The following ENTHD1 variants were observed in gnomAD, a reference collection of about 807,000 sequenced individuals.
ENTHD1 encodes the protein ENTH domain containing 1.
Under a neutral mutation model 39.1 loss-of-function variants are expected in ENTHD1, and 23 were observed. That is an observed-to-expected ratio of 0.59 (90% CI 0.42 to 0.83). The LOEUF (loss-of-function observed/expected upper bound fraction) is 0.83. Among genes scored for constraint, ENTHD1 ranks in the 40% least tolerant of loss-of-function variants. The probability of loss-of-function intolerance (pLI) is 0.00; values close to 1 mark genes in which losing one functional copy is unlikely to be tolerated. For missense variants in ENTHD1, 624 were observed against 705.4 expected (o/e 0.88, Z 1.31); for synonymous variants, 230 against 258.2 (o/e 0.89, Z 1.05).
Position 39,743,861 on chromosome 22 carries a change from TGGAATTCTTTGCTTCAGGTTCCTGGG to T in ENTHD1, c.1616_1641del (p.Pro539HisfsTer2), listed in dbSNP as rs1197467814. ...TTTACCTCCCTTAAAAGAACACTAA[TGGAATTCTTTGCTTCAGGTTCCTGGG>T]GGAAGTCTTTGGTTGACTGAAAACC... On this transcript the variant is annotated frameshift_variant, in exon 7 of 7. Transcript: ENST00000325157. LOFTEE classifies it low-confidence loss of function (END_TRUNC). 1 of 1,614,162 alleles carries T rather than the reference TGGAATTCTTTGCTTCAGGTTCCTGGG, an allele frequency of 6.2e-7. No homozygotes were observed. The highest frequency in any genetic ancestry group is 2.2e-5 in the East Asian group (1 of 44,886).
intron 3 of ENTHD1, among the ~76,000 whole-genome samples, chr22:39,839,303 T>A (rs1455110055): frequency 2.6e-5 from 4 of 152,126 alleles, no homozygotes; most frequent in Non-Finnish European, 5.9e-5. Context: ...CAGAGAACAA[T>A]TATATGCTAA....
intron 5 of ENTHD1, 136 bp from the exon 6 acceptor site, chr22:39,765,745 T>TA: frequency 2.2e-6 from 2 of 900,848 alleles, no homozygotes; most frequent in Non-Finnish European, 3.2e-6. Context: ...TCTGCTTTCT[T>TA]ACTATGCTTC....
chr22:39,828,386 C>A (rs1448233375), intron 4 of ENTHD1, among the ~76,000 whole-genome samples: 1 of 152,004 alleles, frequency 6.6e-6, no homozygotes, highest in Non-Finnish European at 1.5e-5. Context: ...CAAAAAGATA[C>A]AAGAAAAATG....
Position 39,744,295 on chromosome 22 carries a change from A to G in ENTHD1, c.1220-12T>C. The stretch of plus-strand genomic sequence containing the variant: ...AGAAGCAGTTGAAACTAAAATGTGT[A>G]AATGAGAGAAAAAAGATTTATGCAA... On this transcript the variant is annotated splice_polypyrimidine_tract_variant and intron_variant, in intron 6 of 6. Transcript: ENST00000325157. The G allele has an allele frequency of 3.8e-6, 6 of 1,562,154 alleles. No homozygotes were observed. Among genetic ancestry groups the G allele is most frequent in the Non-Finnish European group, 5.2e-6 (6 of 1,159,446 alleles).
intron 4 of ENTHD1, among the ~76,000 whole-genome samples, chr22:39,826,224 A>G (rs560030036): frequency 6.6e-6 from 1 of 152,160 alleles, no homozygotes; most frequent in Non-Finnish European, 1.5e-5. Flanking sequence ...TTAGAGCTGA[A>G]GCAATTGTAG....
Position 39,743,686 on chromosome 22 carries a change from T to A in ENTHD1, c.1817A>T (p.Gln606Leu). The A allele has an allele frequency of 6.2e-7, 1 of 1,603,116 alleles. No homozygotes were observed. The change falls in exon 7 of 7, where the codon CAG (glutamine) becomes CTG (leucine). Residue 606 changes from glutamine to leucine, a missense_variant. By Grantham distance (113) the Gln-to-Leu change is moderately radical. Transcript: ENST00000325157. ...VPQSSEGSSD[Q>L]I ...AAATAGATATTGTGATGATTAGATCTGATCTGAGCTCCCCTCAGAAGACTG... is the reference window on the plus strand; with the variant it reads ...AAATAGATATTGTGATGATTAGATCAGATCTGAGCTCCCCTCAGAAGACTG...
intron 5 of ENTHD1, among the ~76,000 whole-genome samples, chr22:39,798,889 C>T (rs1437023528): frequency 1.3e-5 from 2 of 152,068 alleles, no homozygotes; most frequent in South Asian, 2.1e-4. Flanking sequence ...GTGTGCAGTC[C>T]ACTCCCAAGG....
chr22:39,848,978 T>C (rs2066013659), intron 3 of ENTHD1, among the ~76,000 whole-genome samples: 1 of 152,210 alleles, frequency 6.6e-6, no homozygotes, highest in Admixed American at 6.5e-5. Context: ...TTCTCCACTA[T>C]TCAAAAATGC....
intron 4 of ENTHD1, among the ~76,000 whole-genome samples, chr22:39,835,312 T>C (rs964517670): frequency 6.6e-6 from 1 of 152,096 alleles, no homozygotes; most frequent in African/African-American, 2.4e-5. Context: ...AATTATTTCA[T>C]AGTAAGAATT....
intron 5 of ENTHD1, among the ~76,000 whole-genome samples, chr22:39,804,142 T>A (rs956666055): frequency 1.3e-5 from 2 of 151,700 alleles, no homozygotes; most frequent in African/African-American, 4.8e-5. Context: ...CTAGCCTGAG[T>A]GACAAAGCAA....
chr22:39,853,303 C>G (rs2066058531), intron 3 of ENTHD1, among the ~76,000 whole-genome samples: 1 of 152,092 alleles, frequency 6.6e-6, no homozygotes, highest in Non-Finnish European at 1.5e-5. Context: ...GAGGCCGAGG[C>G]AGGCAGATCA....
intron 5 of ENTHD1, among the ~76,000 whole-genome samples, chr22:39,768,491 A>C (rs2065296330): frequency 6.6e-6 from 1 of 152,128 alleles, no homozygotes. Context: ...ATTAAACCCT[A>C]CTATTCCTCA....
At chr22:39,771,849 C>T (rs1165222287) in intron 5 of ENTHD1, among the ~76,000 whole-genome samples, 2 of 152,054 alleles carry the variant, frequency 1.3e-5, no homozygotes, top group Non-Finnish European at 2.9e-5. Flanking sequence ...AATGGAAGTA[C>T]TTCGGGTTGA....
intron 6 of ENTHD1, among the ~76,000 whole-genome samples, chr22:39,759,184 CA>C (rs2065209766): frequency 1.3e-5 from 2 of 152,144 alleles, no homozygotes; most frequent in African/African-American, 4.8e-5. Context: ...ACATGATTAT[CA>C]TTACTTCTTT....
At chr22:39,744,396 T>G (rs1215776180) in intron 6 of ENTHD1, 113 bp from the exon 7 acceptor site, 1 of 972,080 alleles carries the variant, frequency 1.0e-6, no homozygotes, top group Admixed American at 3.3e-5. Flanking sequence ...ATAAATAAAC[T>G]GCTTAGAATT....
In ENTHD1 at chr22:39,884,595, C is replaced by T. The variant is rs73163078; in HGVS notation, c.349+2805G>A. Among the ~76,000 whole-genome samples, 335 of 151,612 alleles carry T rather than the reference C, an allele frequency of 2.2e-3. 2 individuals are homozygous for T. The highest frequency in any genetic ancestry group is 8.1e-3 in the Admixed American group (124 of 15,252). The stretch of plus-strand genomic sequence containing the variant: ...GAAAGAACAATGTTGGAGACTCACA[C>T]TCCTTAATTTTAAAACTTACTACAA... On this transcript the variant is annotated intron_variant, in intron 2 of 6. Coordinates refer to ENST00000325157, the MANE Select transcript of ENTHD1 (RefSeq NM_152512.4).
At chr22:39,798,139 A>G (rs2065565893) in intron 5 of ENTHD1, among the ~76,000 whole-genome samples, 1 of 151,896 alleles carries the variant, frequency 6.6e-6, no homozygotes, top group African/African-American at 2.4e-5. Context: ...ATTCTTTATT[A>G]TAGGTTTTTT....
In ENTHD1 at chr22:39,846,526, A is replaced by G. The variant is rs549009864; in HGVS notation, c.593-10568T>C. On this transcript the variant is annotated intron_variant, in intron 3 of 6. Transcript: ENST00000325157. ...TTTGTCGATTTTGACTTTTGTTGCC[A>G]TTGCTTTTGGTGTTTTAGATGTGAA... Among the ~76,000 whole-genome samples, 3 of 152,248 alleles carry G rather than the reference A, an allele frequency of 2.0e-5. No homozygotes were observed. The East Asian group carries it at 5.8e-4, about 29-fold the overall frequency.
At chr22:39,816,183 C>T (rs546726991) in intron 5 of ENTHD1, among the ~76,000 whole-genome samples, 70 of 152,118 alleles carry the variant, frequency 4.6e-4, no homozygotes, top group Non-Finnish European at 6.9e-4. Flanking sequence ...TTATTTTTGT[C>T]TTGAGCTGAA....
Sources: allele counts gnomAD v4.1 joint callset (sites outside exome capture counted in the v4.1 genomes callset), GRCh38; gene constraint gnomAD v4.1.1; transcripts MANE v1.5; gene names NCBI Gene and HGNC (gene_info 2026-07-23, HGNC 2026-07-21).